USP9Y: variants seen among roughly 807,000 people sequenced by gnomAD.
The protein encoded by USP9Y is ubiquitin specific peptidase 9 Y-linked, also known as ubiquitin carboxyl-terminal hydrolase 9Y.
A neutral mutation model predicts 53.1 loss-of-function variants in USP9Y; 41 were observed. The ratio of observed to expected loss-of-function variants is 0.77; its 90% CI spans 0.60 to 1.00. The LOEUF (loss-of-function observed/expected upper bound fraction) is 1.00, where lower values mean the gene tolerates loss of function less well. Among genes scored for constraint, USP9Y ranks in the 50% least tolerant of loss-of-function variants. USP9Y has a pLI of 0.00. For synonymous variants in USP9Y, 220 were observed against 173.7 expected (o/e 1.27, Z -2.09); for missense variants, 567 against 535.8 (o/e 1.06, Z -0.58).
At chrY:12,776,285 G>A (rs2053492457) in intron 18 of USP9Y, among the ~76,000 whole-genome samples, 1 of 31,039 alleles carries the variant, frequency 3.2e-5, no homozygotes, top group African/African-American at 1.3e-4. Context: ...GGGATTACAG[G>A]CGCCTGCCAC....
Position 12,771,139 on chromosome Y carries a change from C to T in USP9Y, c.1972C>T (p.Arg658Ter), listed in dbSNP as rs775559103. ...CAGTCATGTTCAAGAAGTTCAAGAA[C>T]GACTAAACTTCCTTAGGTTTGTTTT... ...RYSHVQEVQE[R>*]LNFLRFLLKD... Residue 658 changes from arginine (R) to a stop codon, truncating the protein, a stop_gained, in exon 16 of 46, where the codon CGA becomes TGA. Coordinates refer to ENST00000338981, the MANE Select transcript of USP9Y (RefSeq NM_004654.4). LOFTEE classifies it high-confidence loss of function. The T allele has an allele frequency of 1.0e-5, 4 of 389,899 alleles. No homozygotes were observed. The highest frequency in any genetic ancestry group is 1.1e-5 in the Non-Finnish European group (3 of 277,403).
chrY:12,758,290 T>A (rs2053471287), intron 13 of USP9Y, among the ~76,000 whole-genome samples: 2 of 34,059 alleles, frequency 5.9e-5, no homozygotes, highest in Non-Finnish European at 1.5e-4. Flanking sequence ...CATGGAACAT[T>A]AAATTTATAG....
At chrY:12,753,253 T>C in intron 12 of USP9Y, among the ~76,000 whole-genome samples, 1 of 34,131 alleles carries the variant, frequency 2.9e-5, no homozygotes, top group South Asian at 6.5e-4. Context: ...TGAACAGCCA[T>C]GTACAGCCCA....
At chrY:12,812,697 G>A in intron 30 of USP9Y, 133 bp from the exon 31 acceptor site, 3 of 152,763 alleles carry the variant, frequency 2.0e-5, no homozygotes, top group Non-Finnish European at 3.6e-5. Context: ...TTTTTTGTGG[G>A]GTTTTGTTTT....
intron 27 of USP9Y, among the ~76,000 whole-genome samples, chrY:12,799,471 T>G: frequency 2.9e-5 from 1 of 34,026 alleles, no homozygotes; most frequent in Non-Finnish European, 7.3e-5. Flanking sequence ...CCTGTATCAC[T>G]GGGGTTTTCT....
rs766718783 is a variant in USP9Y, at chrY:12,856,682, G to T, written c.7271G>T (p.Gly2424Val). 2.5e-6 allele frequency: 1 copy of T among 398,310 alleles called. No homozygotes were observed. Among genetic ancestry groups the T allele is most frequent in the Non-Finnish European group, 3.5e-6 (1 of 283,316 alleles). The change falls in exon 44 of 46, where the codon GGA (glycine) becomes GTA (valine). Residue 2424 changes from glycine (G) to valine (V), a missense_variant. By Grantham distance (109) the Gly-to-Val change is moderately radical. Coordinates refer to ENST00000338981, the MANE Select transcript of USP9Y (RefSeq NM_004654.4). ...TGGACCTGGGCAGTGGAATGGCTAGGAGATGAACTTGAAAGAAGACCATAT... is the reference window on the plus strand; with the variant it reads ...TGGACCTGGGCAGTGGAATGGCTAGTAGATGAACTTGAAAGAAGACCATAT... ...RKWTWAVEWL[G>V]DELERRPYTG... is the part of the protein sequence containing the mutation.
At chrY:12,757,699 G>T (rs1603198159) in intron 13 of USP9Y, among the ~76,000 whole-genome samples, 2 of 32,880 alleles carry the variant, frequency 6.1e-5, no homozygotes, top group East Asian at 1.6e-3. Flanking sequence ...TGTTAGCCAG[G>T]ATTGTATCGA....
rs746601490 is a variant in USP9Y, at chrY:12,739,653, T to C, written c.1422+24T>C. Reference sequence around the variant, plus strand: ...AGGTAGTAGCTTGAATAGTAAAGTATTGCCAAATAGTAAATATTGCCAGTT... The same window carrying C: ...AGGTAGTAGCTTGAATAGTAAAGTACTGCCAAATAGTAAATATTGCCAGTT... On this transcript the variant is annotated intron_variant, in intron 12 of 45. Transcript: ENST00000338981. The C allele has an allele frequency of 3.6e-5, 11 of 303,193 alleles. No homozygotes were observed. The East Asian group carries it at 6.9e-4, about 19-fold the overall frequency. 75.6% of individuals were successfully genotyped at this position (303,193 alleles called of 400,897 possible).
At chrY:12,748,245 G>A (rs538420171) in intron 12 of USP9Y, among the ~76,000 whole-genome samples, 6 of 33,760 alleles carry the variant, frequency 1.8e-4, no homozygotes, top group African/African-American at 6.9e-4. Flanking sequence ...TTGCAGGTGG[G>A]CTGACCATCC....
chrY:12,822,842 C>T (rs2053543114), intron 33 of USP9Y, among the ~76,000 whole-genome samples: 2 of 33,105 alleles, frequency 6.0e-5, no homozygotes, highest in South Asian at 6.8e-4. Context: ...CCACTATATC[C>T]GAAGGTTTTG....
chrY:12,782,952 C>T, intron 22 of USP9Y, among the ~76,000 whole-genome samples: 7 of 33,913 alleles, frequency 2.1e-4, no homozygotes, highest in Admixed American at 1.9e-3. Flanking sequence ...ACCTCATGAA[C>T]TAACCTCTGC....
At chrY:12,791,359 T>C in intron 25 of USP9Y, 140 bp from the exon 26 acceptor site, 3 of 180,219 alleles carry the variant, frequency 1.7e-5, no homozygotes, top group Non-Finnish European at 2.8e-5. Flanking sequence ...CAAGGGAACT[T>C]TGGTCCTTAA....
At chrY:12,764,881 G>A (rs1017396794) in intron 15 of USP9Y, among the ~76,000 whole-genome samples, 9 of 32,355 alleles carry the variant, frequency 2.8e-4, no homozygotes, top group African/African-American at 8.4e-4. Context: ...AAAATGTTAC[G>A]TGATTGATCC....
chrY:12,848,670 A>G, intron 42 of USP9Y, among the ~76,000 whole-genome samples: 2 of 33,292 alleles, frequency 6.0e-5, no homozygotes, highest in African/African-American at 1.2e-4. Context: ...TCAGCTTTCT[A>G]CATATGGCTA....
chrY:12,845,632 A>G (rs2053565682), intron 39 of USP9Y, among the ~76,000 whole-genome samples: 1 of 33,753 alleles, frequency 3.0e-5, no homozygotes, highest in Non-Finnish European at 7.4e-5. Context: ...AACTTTTTCT[A>G]GAACAGTTTT....
At chrY:12,835,016 A>C (rs998225314) in intron 34 of USP9Y, among the ~76,000 whole-genome samples, 3 of 33,218 alleles carry the variant, frequency 9.0e-5, no homozygotes, top group African/African-American at 3.5e-4. Flanking sequence ...TTAGCATCCA[A>C]GACTTCTATA....
At chrY:12,738,964 T>A (rs2053454616) in intron 11 of USP9Y, among the ~76,000 whole-genome samples, 1 of 33,846 alleles carries the variant, frequency 3.0e-5, no homozygotes, top group Non-Finnish European at 7.3e-5. Context: ...AAGAAACAAA[T>A]GTCACGAGTT....
At chrY:12,733,940 C>A (rs776429018) in intron 7 of USP9Y, among the ~76,000 whole-genome samples, 1 of 33,707 alleles carries the variant, frequency 3.0e-5, no homozygotes, top group African/African-American at 1.2e-4. Context: ...TTAACCTTTT[C>A]TAGGTATTTG....
At chrY:12,754,116 G>A in intron 12 of USP9Y, among the ~76,000 whole-genome samples, 1 of 29,659 alleles carries the variant, frequency 3.4e-5, no homozygotes, top group African/African-American at 1.3e-4. Context: ...ATGCAAACAG[G>A]CTTATGTATA....
Sources: gnomAD v4.1 joint callset for allele counts (sites outside exome capture counted in the v4.1 genomes callset) on GRCh38, gnomAD v4.1.1 for gene constraint, MANE v1.5 for transcripts, NCBI Gene and HGNC (gene_info 2026-07-23, HGNC 2026-07-21) for gene names.